MAF: variants seen among roughly 807,000 people sequenced by gnomAD.
MAF encodes MAF bZIP transcription factor.
In MAF, 10 loss-of-function variants were observed where a neutral mutation model predicts 22.0. The ratio of observed to expected loss-of-function variants is 0.45; its 90% CI spans 0.28 to 0.77. The LOEUF is 0.77. MAF is among the 30% of genes least tolerant of loss of function. The pLI is 0.12. For missense variants in MAF, 544 were observed against 548.4 expected (o/e 0.99, Z 0.08); for synonymous variants, 337 against 255.8 (o/e 1.32, Z -3.03).
At chr16:79,525,440 G>A in the MAF span, among the ~76,000 whole-genome samples, 2 of 152,120 alleles carry the variant, frequency 1.3e-5, no homozygotes, top group Non-Finnish European at 2.9e-5. Context: ...ATAGTATGTT[G>A]AACTTTTTTT....
the MAF span, among the ~76,000 whole-genome samples, chr16:79,404,164 CTTTT>C: frequency 1.1e-4 from 13 of 122,086 alleles, no homozygotes; most frequent in African/African-American, 2.5e-4. Context: ...TCTGGATTTT[CTTTT>C]TTTTTTTTTT....
At chr16:79,213,986 C>T in the MAF span, among the ~76,000 whole-genome samples, 1 of 152,186 alleles carries the variant, frequency 6.6e-6, no homozygotes, top group Admixed American at 6.5e-5. Context: ...TAGTCTTCCT[C>T]TGTTCCTCGA....
At chr16:79,219,105 C>T in the MAF span, among the ~76,000 whole-genome samples, 4 of 152,132 alleles carry the variant, frequency 2.6e-5, no homozygotes, top group Non-Finnish European at 5.9e-5. Context: ...GCATCTTAGG[C>T]GTGAGAGAAT....
the MAF span, among the ~76,000 whole-genome samples, chr16:79,537,645 G>A: frequency 6.6e-6 from 1 of 152,152 alleles, no homozygotes; most frequent in South Asian, 2.1e-4. Context: ...GCTGATTGCT[G>A]CACATGAACT....
At chr16:79,507,893 C>G in the MAF span, among the ~76,000 whole-genome samples, 1 of 152,028 alleles carries the variant, frequency 6.6e-6, no homozygotes, top group Middle Eastern at 3.2e-3. Context: ...TATAAAATAC[C>G]TAATTGTTAT....
At chr16:79,539,650 G>C in the MAF span, among the ~76,000 whole-genome samples, 1 of 152,142 alleles carries the variant, frequency 6.6e-6, no homozygotes, top group Admixed American at 6.5e-5. Flanking sequence ...ATCTATAACA[G>C]GAAAAATGGA....
At chr16:79,446,977 G>A in the MAF span, among the ~76,000 whole-genome samples, 11 of 151,998 alleles carry the variant, frequency 7.2e-5, no homozygotes, top group Non-Finnish European at 1.6e-4. Flanking sequence ...AATCAACATT[G>A]GTTTCACAAG....
chr16:79,420,025 A>G, the MAF span, among the ~76,000 whole-genome samples: 1 of 151,220 alleles, frequency 6.6e-6, no homozygotes, highest in East Asian at 1.9e-4. Flanking sequence ...TCTTTCTTTA[A>G]CCCATTTGAC....
chr16:79,312,141 CATT>C, the MAF span, among the ~76,000 whole-genome samples: 1 of 152,024 alleles, frequency 6.6e-6, no homozygotes, highest in Non-Finnish European at 1.5e-5. Flanking sequence ...TCATCATCAT[CATT>C]ACAAAAGTAA....
chr16:79,493,727 T>A, the MAF span, among the ~76,000 whole-genome samples: 2 of 152,246 alleles, frequency 1.3e-5, no homozygotes, highest in Admixed American at 6.5e-5. Flanking sequence ...CACCTCAGCT[T>A]GCATTATGAG....
chr16:79,363,319 G>A, the MAF span, among the ~76,000 whole-genome samples: 3 of 152,158 alleles, frequency 2.0e-5, no homozygotes, highest in Non-Finnish European at 4.4e-5. Context: ...AACCTAAGTT[G>A]AATATATAGT....
the MAF span, among the ~76,000 whole-genome samples, chr16:79,320,214 A>C: frequency 6.6e-6 from 1 of 152,216 alleles, no homozygotes; most frequent in African/African-American, 2.4e-5. Context: ...TGACAGAGTG[A>C]TCTTTGTCTG....
the MAF span, among the ~76,000 whole-genome samples, chr16:79,327,135 T>A: frequency 6.6e-6 from 1 of 152,142 alleles, no homozygotes; most frequent in South Asian, 2.1e-4. Context: ...CAAAAGTGGA[T>A]TGGATTTTTA....
At chr16:79,563,764 A>ACACACACACAC in the MAF span, among the ~76,000 whole-genome samples, 1 of 123,670 alleles carries the variant, frequency 8.1e-6, no homozygotes, top group African/African-American at 2.8e-5. Context: ...CACACACACA[A>ACACACACACAC]ACACACACAC....
At chr16:79,343,622 T>C in the MAF span, among the ~76,000 whole-genome samples, 1 of 152,228 alleles carries the variant, frequency 6.6e-6, no homozygotes. Context: ...CTAAAGTGAT[T>C]GTCGTGAATG....
At chr16:79,208,641 T>TTTTA in the MAF span, among the ~76,000 whole-genome samples, 1 of 151,458 alleles carries the variant, frequency 6.6e-6, no homozygotes, top group Non-Finnish European at 1.5e-5. Context: ...ATTTTTTTTT[T>TTTTA]AATCAGTTTA....
the MAF span, among the ~76,000 whole-genome samples, chr16:79,286,754 A>AC: frequency 4.6e-5 from 7 of 152,144 alleles, no homozygotes; most frequent in Non-Finnish European, 1.0e-4. Flanking sequence ...CCACACGTCC[A>AC]CCCGTTCTCA....
At chr16:79,243,239 TA>T in the MAF span, among the ~76,000 whole-genome samples, 80 of 151,720 alleles carry the variant, frequency 5.3e-4, no homozygotes, top group Middle Eastern at 3.4e-3. Context: ...AAAAAACCCT[TA>T]AAAAAAATCC....
chr16:79,299,512 T>A, the MAF span, among the ~76,000 whole-genome samples: 2 of 148,732 alleles, frequency 1.3e-5, no homozygotes, highest in Non-Finnish European at 3.0e-5. Context: ...AGGAGGGGGG[T>A]CAAGGAAGAG....
Sources: gnomAD v4.1 joint callset for allele counts (sites outside exome capture counted in the v4.1 genomes callset) on GRCh38, gnomAD v4.1.1 for gene constraint, MANE v1.5 for transcripts, NCBI Gene and HGNC (gene_info 2026-07-23, HGNC 2026-07-21) for gene names.